The following IFI44L variants were observed in gnomAD, a reference collection of about 807,000 sequenced individuals.
IFI44L encodes interferon induced protein 44 like.
IFI44L carries 40 observed loss-of-function variants against 39.3 expected under a neutral mutation model. The observed-to-expected ratio is 1.02, with a 90% CI of 0.79 to 1.33. The LOEUF is 1.33. IFI44L is among the 40% of genes most tolerant of loss of function. The pLI is 0.00. For missense variants in IFI44L, 623 were observed against 549.0 expected (o/e 1.13, Z -1.35); for synonymous variants, 198 against 182.3 (o/e 1.09, Z -0.69).
In IFI44L at chr1:78,643,332, A is replaced by G. The variant is rs1335887563; in HGVS notation, c.*1523A>G. 1 of 152,152 alleles carries G rather than the reference A, an allele frequency of 6.6e-6. No individual in the cohort carries two copies. The highest frequency in any genetic ancestry group is 1.5e-5 in the Non-Finnish European group (1 of 68,026). 9.4% of individuals were successfully genotyped at this position (152,152 alleles called of 1,614,324 possible). A position where few individuals can be genotyped will look rare whatever the true frequency, so the allele number is the denominator to read the frequency against. On this transcript the variant is annotated 3_prime_UTR_variant, in exon 9 of 9. Coordinates refer to ENST00000370751, the MANE Select transcript of IFI44L (RefSeq NM_006820.4). ...CCTACAAGTAGATATTGGGAACAAA[A>G]TTAGAGAGGCAACCAGAAAAAGTTA... is the stretch of plus-strand genomic sequence containing the variant.
rs1646990566 is a variant in IFI44L at position 78,641,837 on chromosome 1, G to C, written c.*28G>C. ...TAAGTTGCCTTGATTCTGACATTTG[G>C]CCCAGCCTGTACTGGTGTGCCGCAA... is the stretch of plus-strand genomic sequence containing the variant. On this transcript the variant is annotated 3_prime_UTR_variant, in exon 9 of 9. Transcript: ENST00000370751. 1 of 1,610,224 alleles carries C rather than the reference G, an allele frequency of 6.2e-7. No individual in the cohort carries two copies. The highest frequency in any genetic ancestry group is 8.5e-7 in the Non-Finnish European group (1 of 1,176,612).
At chr1:78,634,253 A>G (rs183283152) in intron 4 of IFI44L, among the ~76,000 whole-genome samples, 27 of 152,292 alleles carry the variant, frequency 1.8e-4, no homozygotes, top group Non-Finnish European at 3.8e-4. Flanking sequence ...AATCCAAAGA[A>G]GATTAACCCA....
chr1:78,635,415 G>A lies in IFI44L; in HGVS notation c.802G>A (p.Gly268Arg), dbSNP rs1333392313. ...FMLCDTMGLD[G>R]AEGAGLCMDD... is the part of the protein sequence containing the mutation. ...GTTGTGTGACACTATGGGGCTAGATGGGGCAGAAGGAGCAGGACTGTGCAT... is the reference window on the plus strand; with the variant it reads ...GTTGTGTGACACTATGGGGCTAGATAGGGCAGAAGGAGCAGGACTGTGCAT... The change falls in exon 5 of 9, where the codon GGG becomes AGG. Residue 268 changes from glycine to arginine, a missense_variant. Coordinates refer to ENST00000370751, the MANE Select transcript of IFI44L (RefSeq NM_006820.4). The A allele has an allele frequency of 1.6e-5, 26 of 1,613,436 alleles. No homozygotes were observed. Among genetic ancestry groups the A allele is most frequent in the Non-Finnish European group, 2.0e-5 (24 of 1,179,606 alleles).
chr1:78,625,611 A>T (rs946972827), intron 1 of IFI44L: 7 of 151,756 alleles, frequency 4.6e-5, no homozygotes, highest in African/African-American at 1.7e-4. Flanking sequence ...TCTCTATTGT[A>T]TACTTGATTT....
chr1:78,626,325 A>G (rs181660634), intron 1 of IFI44L: 57 of 152,134 alleles, frequency 3.7e-4, no homozygotes, highest in Non-Finnish European at 5.4e-4. Context: ...GTTTGAACAT[A>G]TTAAACATAG....
intron 1 of IFI44L, among the ~76,000 whole-genome samples, chr1:78,625,068 TTCC>T: frequency 6.6e-6 from 1 of 151,896 alleles, no homozygotes; most frequent in Admixed American, 6.6e-5. Context: ...CTTTCTTTCC[TTCC>T]TTTTTTTTTT....
chr1:78,629,038 T>C (rs1186628554), intron 3 of IFI44L, 39 bp downstream of exon 3: 1 of 1,248,938 alleles, frequency 8.0e-7, no homozygotes, highest in Admixed American at 1.7e-5. Flanking sequence ...ATCATTTTAT[T>C]TAGACCAATT....
At position 78,641,480 on chromosome 1, in the gene IFI44L, T is replaced by C. The variant is rs1415788394; in HGVS notation, c.1195T>C (p.Leu399=). ...KMLGIPISNI[L]MVGNYASDLE... ...GCTAGGCATTCCTATTTCCAATATT[T>C]TGATGGTTGGAAATTATGCTTCAGA... is the stretch of plus-strand genomic sequence containing the variant. Residue 399 remains leucine, a synonymous_variant, in exon 8 of 9, where the codon TTG becomes CTG. Coordinates refer to ENST00000370751, the MANE Select transcript of IFI44L (RefSeq NM_006820.4). 6.2e-7 allele frequency: 1 copy of C among 1,613,598 alleles called. No individual in the cohort carries two copies. The highest frequency in any genetic ancestry group is 8.5e-7 in the Non-Finnish European group (1 of 1,179,606).
chr1:78,624,278 G>A (rs1652400756), intron 1 of IFI44L, among the ~76,000 whole-genome samples: 1 of 152,172 alleles, frequency 6.6e-6, no homozygotes, highest in South Asian at 2.1e-4. Flanking sequence ...TTACAGGTGT[G>A]AGTCACCACG....
At chr1:78,630,284 T>C (rs1225864695) in intron 4 of IFI44L, 1 of 137,694 alleles carries the variant, frequency 7.3e-6, no homozygotes, top group Non-Finnish European at 1.4e-5. Flanking sequence ...ATGAGAATTA[T>C]GTAAGGTAAT....
In IFI44L at chr1:78,627,989, G is replaced by A. The variant is rs769804844; in HGVS notation, c.74G>A (p.Ser25Asn). Residue 25 changes from serine (S) to asparagine (N), a missense_variant, in exon 2 of 9, where the codon AGT becomes AAT. Ser to Asn is a conservative substitution (Grantham distance 46). Coordinates refer to ENST00000370751, the MANE Select transcript of IFI44L (RefSeq NM_006820.4). ...AAGCTGCTTGGAAATGTTTCTTTGA[G>A]TCTTCTCTATAAGTCTAGTGTTCAT... is the stretch of plus-strand genomic sequence containing the variant. Reference protein sequence around the residue: ...LRKLLGNVSLSLLYKSSVHGG... With the variant: ...LRKLLGNVSLNLLYKSSVHGG... The A allele has an allele frequency of 2.5e-6, 4 of 1,611,908 alleles. No individual in the cohort carries two copies. Among genetic ancestry groups the A allele is most frequent in the African/African-American group, 1.3e-5 (1 of 74,946 alleles).
At position 78,641,456 on chromosome 1, in the gene IFI44L, C is replaced by G; in HGVS notation, c.1171C>G (p.Leu391Val). The G allele has an allele frequency of 6.2e-7, 1 of 1,613,374 alleles. No homozygotes were observed. Among genetic ancestry groups the G allele is most frequent in the East Asian group, 2.2e-5 (1 of 44,856 alleles). Reference protein sequence around the residue: ...QSRVMNVHKMLGIPISNILMV... With the variant: ...QSRVMNVHKMVGIPISNILMV... Reference sequence around the variant, plus strand: ...ACAGGTCATGAATGTCCATAAAATGCTAGGCATTCCTATTTCCAATATTTT... The same window carrying G: ...ACAGGTCATGAATGTCCATAAAATGGTAGGCATTCCTATTTCCAATATTTT... The change falls in exon 8 of 9, where the codon CTA becomes GTA. Residue 391 changes from leucine (L) to valine (V), a missense_variant. Coordinates refer to ENST00000370751, the MANE Select transcript of IFI44L (RefSeq NM_006820.4).
chr1:78,636,340 G>A lies in IFI44L; in HGVS notation c.877-692G>A, dbSNP rs545259902. ...AGGAGACACACAGATAAAGAGAGGA[G>A]GGATAGAGCGAAGACATTGGAGAAA... On this transcript the variant is annotated intron_variant, in intron 5 of 8. Coordinates refer to ENST00000370751, the MANE Select transcript of IFI44L (RefSeq NM_006820.4). Among the ~76,000 whole-genome samples the A allele has an allele frequency of 9.9e-5, 15 of 152,160 alleles. No individual in the cohort carries two copies. The South Asian group carries it at 3.1e-3, about 32-fold the overall frequency.
At chr1:78,625,471 CT>C (rs1652451007) in intron 1 of IFI44L, among the ~76,000 whole-genome samples, 1 of 151,984 alleles carries the variant, frequency 6.6e-6, no homozygotes, top group African/African-American at 2.4e-5. Context: ...TTTATTGCAT[CT>C]GGACTGATGT....
At chr1:78,623,389 GTTTTTTGTTTTTT>G (rs1652351298) in intron 1 of IFI44L, among the ~76,000 whole-genome samples, 1 of 19,926 alleles carries the variant, frequency 5.0e-5, no homozygotes, top group Non-Finnish European at 1.2e-4. Context: ...TGGTTTAAGT[GTTTTTTGTTTTTT>G]TTTTTTTTTT....
intron 1 of IFI44L, chr1:78,627,695 A>T (rs1652543600): frequency 3.0e-6 from 1 of 330,272 alleles, no homozygotes; most frequent in Non-Finnish European, 5.4e-6. Context: ...TGATTTAAAA[A>T]TTTTAATGAC....
Position 78,644,827 on chromosome 1 carries a change from A to G in IFI44L, c.*3018A>G, listed in dbSNP as rs938310760. The G allele has an allele frequency of 1.3e-5, 2 of 152,214 alleles. No individual in the cohort carries two copies. Among genetic ancestry groups the G allele is most frequent in the African/African-American group, 4.8e-5 (2 of 41,436 alleles). The allele number at this position is 152,214 out of a possible 1,614,324, so 9.4% of individuals were successfully genotyped here. A position where few individuals can be genotyped will look rare whatever the true frequency, so the allele number is the denominator to read the frequency against. ...GAGTGATGTTGTGGAGACAGTTGAA[A>G]TGTCAATGCTAGAGCCTCTGTGGTG... On this transcript the variant is annotated 3_prime_UTR_variant, in exon 9 of 9. Coordinates refer to ENST00000370751, the MANE Select transcript of IFI44L (RefSeq NM_006820.4).
chr1:78,620,644 C>T (rs1652241148), intron 1 of IFI44L, 73 bp downstream of exon 1: 1 of 152,174 alleles, frequency 6.6e-6, no homozygotes, highest in African/African-American at 2.4e-5. Flanking sequence ...TTGATACAAG[C>T]ATACAATGTA....
At chr1:78,639,410 G>C (rs1400961087) in intron 6 of IFI44L, among the ~76,000 whole-genome samples, 2 of 152,020 alleles carry the variant, frequency 1.3e-5, no homozygotes, top group Non-Finnish European at 2.9e-5. Flanking sequence ...AAAGTTTTCT[G>C]TCTTGCTACA....
Sources: gnomAD v4.1 joint callset for allele counts (sites outside exome capture counted in the v4.1 genomes callset) on GRCh38, gnomAD v4.1.1 for gene constraint, MANE v1.5 for transcripts, NCBI Gene and HGNC (gene_info 2026-07-23, HGNC 2026-07-21) for gene names.